Variants in EPHB1 observed in about 807,000 individuals in gnomAD.
EPHB1 encodes ephrin type-B receptor 1.
EPHB1 carries 30 observed loss-of-function variants against 94.4 expected under a neutral mutation model. That is an observed-to-expected ratio of 0.32 (90% confidence interval 0.24 to 0.43). The LOEUF is 0.43. Among genes scored for constraint, EPHB1 ranks in the 20% least tolerant of loss-of-function variants. The probability of loss-of-function intolerance (pLI) is 1.00; values close to 1 mark genes in which losing one functional copy is unlikely to be tolerated. For missense variants in EPHB1, 1,055 were observed against 1,308.3 expected, an observed-to-expected ratio of 0.81 and a Z score of 2.99; for synonymous variants, 522 against 489.1, an observed-to-expected ratio of 1.07 and a Z score of -0.89.
At chr3:134,882,474 T>C (rs2108311976) in intron 1 of EPHB1, among the ~76,000 whole-genome samples, 1 of 152,290 alleles carries the variant, frequency 6.6e-6, no homozygotes, top group Non-Finnish European at 1.5e-5. Flanking sequence ...ATTCATTGTA[T>C]ATAAAAAAGA....
intron 1 of EPHB1, among the ~76,000 whole-genome samples, chr3:134,862,074 T>A (rs965191184): frequency 2.6e-5 from 4 of 152,210 alleles, no homozygotes; most frequent in African/African-American, 7.2e-5. Flanking sequence ...GATCTTGGCC[T>A]TCCTGTGCCC....
At chr3:135,199,973 A>T (rs1942713960) in intron 11 of EPHB1, among the ~76,000 whole-genome samples, 1 of 152,196 alleles carries the variant, frequency 6.6e-6, no homozygotes, top group Admixed American at 6.5e-5. Context: ...TCTGCATTTC[A>T]CATAAGGACT....
intron 3 of EPHB1, among the ~76,000 whole-genome samples, chr3:134,983,666 G>A (rs1934494582): frequency 1.3e-5 from 2 of 152,194 alleles, no homozygotes; most frequent in African/African-American, 2.4e-5. Flanking sequence ...CAAAGCAGAG[G>A]ACTAGCTGTG....
intron 3 of EPHB1, among the ~76,000 whole-genome samples, chr3:135,005,183 G>A (rs1238162456): frequency 3.9e-5 from 6 of 152,178 alleles, no homozygotes; most frequent in Non-Finnish European, 8.8e-5. Context: ...TAACAGACAG[G>A]ACCCTCAGCT....
At chr3:134,944,551 C>T (rs1022608298) in intron 2 of EPHB1, among the ~76,000 whole-genome samples, 3 of 152,174 alleles carry the variant, frequency 2.0e-5, no homozygotes. Flanking sequence ...TCTGAGTCCC[C>T]TATACCACTG....
chr3:135,014,869 A>G (rs1935740777), intron 3 of EPHB1, among the ~76,000 whole-genome samples: 1 of 152,164 alleles, frequency 6.6e-6, no homozygotes, highest in Non-Finnish European at 1.5e-5. Context: ...ATGAGTTGTT[A>G]TACTTATTTC....
At chr3:135,219,923 C>G (rs1277211186) in intron 12 of EPHB1, among the ~76,000 whole-genome samples, 1 of 152,184 alleles carries the variant, frequency 6.6e-6, no homozygotes, top group Non-Finnish European at 1.5e-5. Context: ...AGCAGAATTC[C>G]CTCACAAAGA....
chr3:134,839,743 T>A (rs1401590320), intron 1 of EPHB1, among the ~76,000 whole-genome samples: 1 of 152,126 alleles, frequency 6.6e-6, no homozygotes, highest in African/African-American at 2.4e-5. Flanking sequence ...ACATGCTGAG[T>A]GTTTTCCAGG....
intron 3 of EPHB1, among the ~76,000 whole-genome samples, chr3:135,041,513 C>A (rs973981425): frequency 2.6e-5 from 4 of 152,118 alleles, no homozygotes; most frequent in Non-Finnish European, 4.4e-5. Context: ...AGCAGGTTCA[C>A]CCCTATGAAA....
chr3:134,836,336 C>T (rs2108295085), intron 1 of EPHB1, among the ~76,000 whole-genome samples: 1 of 152,324 alleles, frequency 6.6e-6, no homozygotes, highest in South Asian at 2.1e-4. Context: ...TTCCATAAAT[C>T]AGATGCAGTT....
chr3:135,073,228 T>C (rs575287317), intron 3 of EPHB1, among the ~76,000 whole-genome samples: 1 of 152,348 alleles, frequency 6.6e-6, no homozygotes. Context: ...TGGATACTTT[T>C]ATCCATCTGC....
intron 3 of EPHB1, among the ~76,000 whole-genome samples, chr3:135,053,025 G>GTATATATATATATATATATA (rs1389207071): frequency 2.5e-4 from 23 of 90,626 alleles, no homozygotes; most frequent in African/African-American, 3.6e-4. Context: ...GTGTGTGTGT[G>GTATATATATATATATATATA]TGTATATATA....
At chr3:135,068,039 A>T (rs1219639990) in intron 3 of EPHB1, 1 of 152,200 alleles carries the variant, frequency 6.6e-6, no homozygotes, top group Non-Finnish European at 1.5e-5. Flanking sequence ...CAGTTTGGGC[A>T]CTCACAGTAT....
intron 3 of EPHB1, among the ~76,000 whole-genome samples, chr3:134,983,682 G>T (rs1424562906): frequency 1.3e-5 from 2 of 152,222 alleles, no homozygotes; most frequent in African/African-American, 4.8e-5. Context: ...CTGTGTTCTT[G>T]GACCTCCATA....
chr3:135,086,565 C>A (rs1185741597), intron 3 of EPHB1, among the ~76,000 whole-genome samples: 1 of 151,766 alleles, frequency 6.6e-6, no homozygotes, highest in African/African-American at 2.4e-5. Flanking sequence ...TTATGCATGA[C>A]ATTTTCTCAC....
At chr3:135,258,803 G>A (rs1003409338) in intron 15 of EPHB1, among the ~76,000 whole-genome samples, 8 of 152,224 alleles carry the variant, frequency 5.3e-5, no homozygotes, top group African/African-American at 1.9e-4. Flanking sequence ...TCCCAGGATT[G>A]CCTAAGCTGG....
chr3:135,041,389 G>A lies in EPHB1; in HGVS notation c.806-65059G>A, dbSNP rs1330287351. Among the ~76,000 whole-genome samples the A allele has an allele frequency of 2.0e-5, 3 of 152,162 alleles. No homozygotes were observed. The East Asian group carries it at 5.8e-4, about 29-fold the overall frequency. Reference sequence around the variant, plus strand: ...CGTGGAAATGTGAGCTGTGATGCTGGTGTTCATGGCCTTCCTGTAAAGATA... The same window carrying A: ...CGTGGAAATGTGAGCTGTGATGCTGATGTTCATGGCCTTCCTGTAAAGATA... On this transcript the variant is annotated intron_variant, in intron 3 of 15. Coordinates refer to ENST00000398015, the MANE Select transcript of EPHB1 (RefSeq NM_004441.5).
At chr3:135,018,564 C>T (rs1453099940) in intron 3 of EPHB1, among the ~76,000 whole-genome samples, 1 of 152,198 alleles carries the variant, frequency 6.6e-6, no homozygotes. Context: ...CCTACAGCTT[C>T]CCAGCAATCT....
intron 12 of EPHB1, among the ~76,000 whole-genome samples, chr3:135,207,995 G>A (rs896239418): frequency 2.5e-4 from 38 of 152,286 alleles, no homozygotes; most frequent in African/African-American, 8.9e-4. Context: ...TCACCCAATT[G>A]GGGATTATTA....
Sources: allele counts gnomAD v4.1 joint callset (sites outside exome capture counted in the v4.1 genomes callset), GRCh38; gene constraint gnomAD v4.1.1; transcripts MANE v1.5; gene names NCBI Gene and HGNC (gene_info 2026-07-23, HGNC 2026-07-21).